SMAP2: variants seen among roughly 807,000 people sequenced by gnomAD.
SMAP2 encodes small ArfGAP2.
In SMAP2, 25 loss-of-function variants were observed where a neutral mutation model predicts 56.4. The observed-to-expected ratio is 0.44, with a 90% CI of 0.32 to 0.62. The LOEUF (loss-of-function observed/expected upper bound fraction) is 0.62. Ranked by LOEUF, SMAP2 falls within the 20% of genes least tolerant of loss-of-function variation. The probability of loss-of-function intolerance (pLI) is 0.04; values close to 1 mark genes in which losing one functional copy is unlikely to be tolerated. For missense variants in SMAP2, 388 were observed against 545.6 expected (o/e 0.71, Z 2.88); for synonymous variants, 157 against 181.7 (o/e 0.86, Z 1.09).
intron 3 of SMAP2, among the ~76,000 whole-genome samples, chr1:40,409,198 G>C (rs1392906627): frequency 6.6e-6 from 1 of 152,180 alleles, no homozygotes; most frequent in Non-Finnish European, 1.5e-5. Context: ...CTGTTCAACA[G>C]AGCATAGCAC....
intron 1 of SMAP2, chr1:40,375,112 A>G (rs1192541732): frequency 2.0e-6 from 2 of 984,752 alleles, no homozygotes; most frequent in Non-Finnish European, 2.4e-6. Flanking sequence ...AAGTCAGTAC[A>G]ATAGGAAATC....
In SMAP2 at chr1:40,374,253, T is replaced by G. The variant is rs1569836151; in HGVS notation, c.103+30T>G. 3 of 1,569,204 alleles carry G rather than the reference T, an allele frequency of 1.9e-6. No individual in the cohort carries two copies. In the African/African-American group the frequency reaches 4.0e-5, roughly 21 times the overall value. Reference sequence around the variant, plus strand: ...CGCATCCCACCTGGCGGGCCAGGGGTCCAGCCGCGCCGGGGTGGTGGGGGT... The same window carrying G: ...CGCATCCCACCTGGCGGGCCAGGGGGCCAGCCGCGCCGGGGTGGTGGGGGT... On this transcript the variant is annotated intron_variant, in intron 1 of 9. Transcript: ENST00000372718. The surrounding 1 kb of genome is among the most constrained non-coding windows in gnomAD (Gnocchi z 5.9).
In SMAP2 at chr1:40,374,783, T is replaced by G. The variant is rs1271717638; in HGVS notation, c.103+560T>G. 3 of 1,550,366 alleles carry G rather than the reference T, an allele frequency of 1.9e-6. No individual in the cohort carries two copies. The highest frequency in any genetic ancestry group is 2.6e-6 in the Non-Finnish European group (3 of 1,146,886). On this transcript the variant is annotated intron_variant, in intron 1 of 9. Coordinates refer to ENST00000372718, the MANE Select transcript of SMAP2 (RefSeq NM_022733.3). This position sits in a 1 kb window ranked among gnomAD's most constrained non-coding sequence, Gnocchi z 5.9. The stretch of plus-strand genomic sequence containing the variant: ...CAGCCTTGCTAAGATCTGACAAGAG[T>G]GCTTAGGTGACTTTATTCTTCTGGA...
chr1:40,404,776 A>G (rs1197986829), intron 1 of SMAP2, among the ~76,000 whole-genome samples: 2 of 152,052 alleles, frequency 1.3e-5, no homozygotes, highest in Admixed American at 1.3e-4. Context: ...ACTGTAACCT[A>G]AAATGGATAT....
chr1:40,380,788 C>T (rs1161947701), intron 1 of SMAP2, among the ~76,000 whole-genome samples: 2 of 152,158 alleles, frequency 1.3e-5, no homozygotes, highest in East Asian at 3.8e-4. Context: ...CTTAGCCTCC[C>T]AAAGTGCTGG....
intron 1 of SMAP2, among the ~76,000 whole-genome samples, chr1:40,384,738 A>AC: frequency 6.6e-6 from 1 of 152,268 alleles, no homozygotes; most frequent in Middle Eastern, 3.4e-3. Flanking sequence ...TTCTCCAAAA[A>AC]ACTCATTTCC....
At chr1:40,383,953 T>C (rs940983978) in intron 1 of SMAP2, among the ~76,000 whole-genome samples, 6 of 152,236 alleles carry the variant, frequency 3.9e-5, no homozygotes, top group African/African-American at 1.4e-4. Context: ...CTGGAGTGCT[T>C]TGATGCGATC....
chr1:40,363,846 A>G (rs972198698), intron 2 of SMAP2, among the ~76,000 whole-genome samples: 1 of 152,216 alleles, frequency 6.6e-6, no homozygotes, highest in African/African-American at 2.4e-5. Context: ...CTGCCTTGTC[A>G]CAGTGGAAAG....
chr1:40,398,395 A>G (rs1644794755), intron 1 of SMAP2, among the ~76,000 whole-genome samples: 1 of 134,670 alleles, frequency 7.4e-6, no homozygotes, highest in Admixed American at 7.3e-5. Flanking sequence ...CACCGAGCTC[A>G]TTTATTCATA....
chr1:40,364,141 T>A (rs777367463), intron 2 of SMAP2, among the ~76,000 whole-genome samples: 2 of 152,204 alleles, frequency 1.3e-5, no homozygotes, highest in African/African-American at 2.4e-5. Context: ...TAAGATACAC[T>A]AATGAGAGTT....
chr1:40,414,300 C>T, intron 6 of SMAP2, 60 bp downstream of exon 6: 1 of 1,505,818 alleles, frequency 6.6e-7, no homozygotes, highest in Non-Finnish European at 9.2e-7. Flanking sequence ...TCTCAGTGAC[C>T]CTGGAAGATA....
chr1:40,352,535 T>G (rs1644413289), intron 1 of SMAP2, among the ~76,000 whole-genome samples: 2 of 152,118 alleles, frequency 1.3e-5, no homozygotes, highest in Admixed American at 6.6e-5. Flanking sequence ...TTAAAAAGTT[T>G]TTCTATTTTT....
intron 1 of SMAP2, among the ~76,000 whole-genome samples, chr1:40,405,362 G>A (rs571519196): frequency 6.6e-6 from 1 of 152,224 alleles, no homozygotes; most frequent in South Asian, 2.1e-4. Context: ...GGTGGCACAC[G>A]CCTATAGTCC....
rs142382492 is a variant in SMAP2 at position 40,374,556 on chromosome 1, C to G, written c.103+333C>G. On this transcript the variant is annotated intron_variant, in intron 1 of 9. Coordinates refer to ENST00000372718, the MANE Select transcript of SMAP2 (RefSeq NM_022733.3). This position sits in a 1 kb window ranked among gnomAD's most constrained non-coding sequence, Gnocchi z 5.9. ...GAGAGAGCTCCCAGCATGTCACTTG[C>G]AAAGCTGGGGATGAACTGCATTGCG... 1.6e-4 allele frequency: 179 copies of G among 1,139,434 alleles called. No individual in the cohort carries two copies. The East Asian group carries it at 4.1e-3, about 26-fold the overall frequency. The allele number at this position is 1,139,434 out of a possible 1,614,324, so 70.6% of individuals were successfully genotyped here. A position where few individuals can be genotyped will look rare whatever the true frequency, so the allele number is the denominator to read the frequency against.
upstream of SMAP2, among the ~76,000 whole-genome samples, chr1:40,370,957 G>A (rs1363730434): frequency 1.3e-5 from 2 of 151,992 alleles, no homozygotes; most frequent in African/African-American, 2.4e-5. Flanking sequence ...GGCGGGTCAC[G>A]AGGTCAGGAG....
chr1:40,409,385 T>G (rs955825093), intron 3 of SMAP2, among the ~76,000 whole-genome samples: 6 of 152,226 alleles, frequency 3.9e-5, no homozygotes, highest in Non-Finnish European at 5.9e-5. Flanking sequence ...AGAGTTTATG[T>G]TTTTAAGGGG....
intron 6 of SMAP2, among the ~76,000 whole-genome samples, chr1:40,414,589 T>G (rs976548475): frequency 6.6e-6 from 1 of 152,194 alleles, no homozygotes; most frequent in Non-Finnish European, 1.5e-5. Context: ...AAGGTGTTGT[T>G]GGAAGGATTA....
chr1:40,379,451 G>C (rs904308528), intron 1 of SMAP2, among the ~76,000 whole-genome samples: 3 of 151,856 alleles, frequency 2.0e-5, no homozygotes, highest in Non-Finnish European at 4.4e-5. Context: ...CATGCACATT[G>C]AGGAGTGCTT....
upstream of SMAP2, among the ~76,000 whole-genome samples, chr1:40,371,980 C>T (rs1269496139): frequency 2.0e-5 from 3 of 152,194 alleles, no homozygotes; most frequent in African/African-American, 7.2e-5. Context: ...TAAACTTAAG[C>T]ATTCTTGCCC....
Sources: allele counts gnomAD v4.1 joint callset (sites outside exome capture counted in the v4.1 genomes callset), GRCh38; gene constraint gnomAD v4.1.1; non-coding constraint Gnocchi (gnomAD v3.1); transcripts MANE v1.5; gene names NCBI Gene and HGNC (gene_info 2026-07-23, HGNC 2026-07-21).